ATP8A2: variants seen among roughly 807,000 people sequenced by gnomAD.
ATP8A2 encodes the protein phospholipid-transporting ATPase IB.
Under a neutral mutation model 165.6 loss-of-function variants are expected in ATP8A2, and 100 were observed. The ratio of observed to expected loss-of-function variants is 0.60; its 90% CI spans 0.51 to 0.71. ATP8A2 has a LOEUF of 0.71. Among genes scored for constraint, ATP8A2 ranks in the 30% least tolerant of loss-of-function variants. The pLI is 0.00. For missense variants in ATP8A2, 1,227 were observed against 1,479.5 expected, an observed-to-expected ratio of 0.83 and a Z score of 2.80; for synonymous variants, 543 against 548.8, an observed-to-expected ratio of 0.99 and a Z score of 0.15.
At chr13:25,593,819 T>C (rs2040160557) in intron 24 of ATP8A2, among the ~76,000 whole-genome samples, 1 of 152,200 alleles carries the variant, frequency 6.6e-6, no homozygotes. Context: ...CTAGAGTTAG[T>C]TTTCATTAAA....
At chr13:25,643,075 A>T (rs1010044536) in intron 24 of ATP8A2, among the ~76,000 whole-genome samples, 7 of 151,930 alleles carry the variant, frequency 4.6e-5, no homozygotes, top group African/African-American at 1.7e-4. Flanking sequence ...GGATGGGGGG[A>T]GGGGAGAGGG....
rs137924375 is a variant in ATP8A2, at chr13:25,840,100, T to A, written c.2956+476T>A. On this transcript the variant is annotated intron_variant, in intron 30 of 36. Coordinates refer to ENST00000381655, the MANE Select transcript of ATP8A2 (RefSeq NM_016529.6). ...GTCCTTGATGTACGCCTTTTGAAATTAGAGTTTGAGAACTAATTCTCCAGA... is the reference window on the plus strand; with the variant it reads ...GTCCTTGATGTACGCCTTTTGAAATAAGAGTTTGAGAACTAATTCTCCAGA... Among the ~76,000 whole-genome samples the A allele has an allele frequency of 2.0e-4, 31 of 152,228 alleles. No individual in the cohort carries two copies. In the East Asian group the frequency reaches 5.8e-3, roughly 29 times the overall value.
intron 33 of ATP8A2, among the ~76,000 whole-genome samples, chr13:25,936,481 T>C (rs1304634712): frequency 6.6e-6 from 1 of 152,234 alleles, no homozygotes; most frequent in Non-Finnish European, 1.5e-5. Flanking sequence ...ACAAATGTTT[T>C]CCAGGTATCC....
intron 24 of ATP8A2, among the ~76,000 whole-genome samples, chr13:25,692,990 A>G (rs2042757942): frequency 6.6e-6 from 1 of 152,222 alleles, no homozygotes; most frequent in Non-Finnish European, 1.5e-5. Context: ...AAGATTTTGG[A>G]ATATTTTTTA....
intron 30 of ATP8A2, among the ~76,000 whole-genome samples, chr13:25,858,262 G>C (rs544536909): frequency 6.6e-5 from 10 of 152,158 alleles, no homozygotes; most frequent in Admixed American, 1.3e-4. Flanking sequence ...GCCTTCTTGG[G>C]ATTAATTCAG....
chr13:25,418,203 T>C (rs569519451), intron 1 of ATP8A2, among the ~76,000 whole-genome samples: 2 of 152,170 alleles, frequency 1.3e-5, no homozygotes, highest in African/African-American at 4.8e-5. Context: ...TGTGGAATAA[T>C]GGGACTCTGT....
chr13:25,789,945 TC>T (rs2138397829), intron 27 of ATP8A2, among the ~76,000 whole-genome samples: 1 of 152,266 alleles, frequency 6.6e-6, no homozygotes, highest in East Asian at 1.9e-4. Context: ...AACCATCTGA[TC>T]TTCCACAAAG....
intron 24 of ATP8A2, among the ~76,000 whole-genome samples, chr13:25,697,782 G>A (rs147055716): frequency 1.3e-5 from 2 of 152,212 alleles, no homozygotes; most frequent in Admixed American, 1.3e-4. Flanking sequence ...CTTGCTGAAG[G>A]TCACAGAGGT....
At chr13:25,805,843 G>C (rs1023355312) in intron 27 of ATP8A2, among the ~76,000 whole-genome samples, 1 of 152,118 alleles carries the variant, frequency 6.6e-6, no homozygotes, top group Admixed American at 6.6e-5. Context: ...ATTCAAAGAT[G>C]CTAAATGATT....
chr13:25,857,570 C>CAT (rs1299696508), intron 30 of ATP8A2, among the ~76,000 whole-genome samples: 2 of 91,582 alleles, frequency 2.2e-5, no homozygotes, highest in African/African-American at 8.8e-5. Flanking sequence ...CTTTTTTTTC[C>CAT]TTTTTTTTTT....
intron 2 of ATP8A2, among the ~76,000 whole-genome samples, chr13:25,472,161 A>G (rs971734240): frequency 1.3e-5 from 2 of 152,194 alleles, no homozygotes; most frequent in African/African-American, 4.8e-5. Context: ...TGGGAGGCCA[A>G]GGTGGGTGGA....
intron 2 of ATP8A2, among the ~76,000 whole-genome samples, chr13:25,528,364 A>G (rs551894883): frequency 7.9e-5 from 12 of 152,344 alleles, no homozygotes; most frequent in African/African-American, 2.9e-4. Flanking sequence ...GTCTTTAAGG[A>G]TAACTCTGAT....
At chr13:25,865,126 G>A (rs542754051) in intron 33 of ATP8A2, among the ~76,000 whole-genome samples, 4 of 152,146 alleles carry the variant, frequency 2.6e-5, no homozygotes, top group Admixed American at 6.5e-5. Context: ...TCATAAAAAA[G>A]AGGAACTGGG....
At chr13:25,499,103 C>G (rs1269928512) in intron 2 of ATP8A2, among the ~76,000 whole-genome samples, 2 of 152,206 alleles carry the variant, frequency 1.3e-5, no homozygotes, top group African/African-American at 4.8e-5. Context: ...CATTCTCTAT[C>G]CTGCGCCAAT....
At chr13:25,832,888 G>T (rs2900872) in intron 28 of ATP8A2, among the ~76,000 whole-genome samples, 1,961 of 152,192 alleles carry the variant, frequency 0.013, 51 homozygotes, top group African/African-American at 0.042. Context: ...ATTTCTGTAC[G>T]TATACACATA....
chr13:25,932,198 T>C (rs1041607636), intron 33 of ATP8A2, among the ~76,000 whole-genome samples: 3 of 152,092 alleles, frequency 2.0e-5, no homozygotes, highest in African/African-American at 7.2e-5. Flanking sequence ...GCTGAGCAGA[T>C]GTTGTGCTGA....
intron 7 of ATP8A2, among the ~76,000 whole-genome samples, chr13:25,538,985 G>A (rs1056722232): frequency 3.3e-5 from 5 of 151,890 alleles, no homozygotes; most frequent in African/African-American, 7.3e-5. Flanking sequence ...GAAACCGTTA[G>A]AAATATTAAA....
At chr13:25,600,321 C>G (rs1186124608) in intron 24 of ATP8A2, among the ~76,000 whole-genome samples, 1 of 152,180 alleles carries the variant, frequency 6.6e-6, no homozygotes, top group South Asian at 2.1e-4. Flanking sequence ...CTCTGCCCCT[C>G]TCCTGCTGGC....
At chr13:25,952,060 A>G (rs1286684535) in intron 33 of ATP8A2, among the ~76,000 whole-genome samples, 1 of 152,118 alleles carries the variant, frequency 6.6e-6, no homozygotes, top group Non-Finnish European at 1.5e-5. Flanking sequence ...TTTTTAAGTT[A>G]TAGTAGGGAT....
Sources: allele counts gnomAD v4.1 joint callset (sites outside exome capture counted in the v4.1 genomes callset), GRCh38; gene constraint gnomAD v4.1.1; transcripts MANE v1.5; gene names NCBI Gene and HGNC (gene_info 2026-07-23, HGNC 2026-07-21).